The following MKLN1 variants were observed in gnomAD, a reference collection of about 807,000 sequenced individuals.
The protein encoded by MKLN1 is muskelin 1, also known as muskelin.
Under a neutral mutation model 99.0 loss-of-function variants are expected in MKLN1, and 18 were observed. The ratio of observed to expected loss-of-function variants is 0.18; its 90% CI spans 0.13 to 0.27. MKLN1 has a LOEUF of 0.27. Ranked by LOEUF, MKLN1 falls within the 10% of genes least tolerant of loss-of-function variation. MKLN1 has a pLI of 1.00. For missense variants in MKLN1, 621 were observed against 875.9 expected (o/e 0.71, Z 3.67); for synonymous variants, 288 against 293.2 (o/e 0.98, Z 0.18).
intron 3 of MKLN1, among the ~76,000 whole-genome samples, chr7:131,262,542 T>TTTTTC (rs941919014): frequency 5.3e-5 from 8 of 152,182 alleles, no homozygotes; most frequent in South Asian, 2.1e-4. Flanking sequence ...ATTATGTTTT[T>TTTTTC]TTTTCTTTTC....
At chr7:131,281,660 T>C (rs1209523573) in intron 3 of MKLN1, among the ~76,000 whole-genome samples, 1 of 152,162 alleles carries the variant, frequency 6.6e-6, no homozygotes, top group Non-Finnish European at 1.5e-5. Flanking sequence ...TTTTTGTTTA[T>C]TGATCTTGTA....
chr7:131,207,264 T>G (rs1796827522), intron 3 of MKLN1, among the ~76,000 whole-genome samples: 1 of 152,062 alleles, frequency 6.6e-6, no homozygotes, highest in African/African-American at 2.4e-5. Context: ...TGGAGTGCAG[T>G]GGTGTGATTT....
chr7:131,194,695 A>G (rs1166647418), intron 2 of MKLN1, among the ~76,000 whole-genome samples: 1 of 152,222 alleles, frequency 6.6e-6, no homozygotes, highest in Admixed American at 6.5e-5. Flanking sequence ...CAAGCTTAAC[A>G]ACTTCACAGA....
intron 3 of MKLN1, among the ~76,000 whole-genome samples, chr7:131,212,373 T>A (rs1039524296): frequency 1.3e-5 from 2 of 152,192 alleles, no homozygotes; most frequent in Admixed American, 6.5e-5. Flanking sequence ...CTACCAGGAA[T>A]CCCTGGGAGA....
chr7:131,245,596 C>T (rs1263761089), intron 3 of MKLN1, among the ~76,000 whole-genome samples: 1 of 152,140 alleles, frequency 6.6e-6, no homozygotes, highest in Non-Finnish European at 1.5e-5. Context: ...TGTCTTTTTA[C>T]TGTACCTTTT....
Position 131,241,391 on chromosome 7 carries a change from G to A in MKLN1, c.-179+38417G>A, listed in dbSNP as rs149503169. 8.9e-4 allele frequency among the ~76,000 whole-genome samples: 61 copies of A among 68,862 alleles called. No individual in the cohort carries two copies. In the Middle Eastern group the frequency reaches 0.018, roughly 20 times the overall value. 45.2% of individuals were successfully genotyped at this position (68,862 alleles called of 152,430 possible). Reference sequence around the variant, plus strand: ...AGACTCTGTCTAAAAAAAAAAAAAAGAAAAAAGAAAAAAAAAAAAAGAACA... The same window carrying A: ...AGACTCTGTCTAAAAAAAAAAAAAAAAAAAAAGAAAAAAAAAAAAAGAACA... On this transcript the variant is annotated intron_variant, in intron 3 of 7. Coordinates refer to the MKLN1 transcript ENST00000416992.
chr7:131,133,816 T>C (rs71548780), intron 1 of MKLN1, among the ~76,000 whole-genome samples: 1 of 16,962 alleles, frequency 5.9e-5, no homozygotes, highest in Non-Finnish European at 1.1e-4. Context: ...TTTTTTTTAA[T>C]TTGGTTTTTT....
chr7:131,436,205 T>C (rs1171735004), intron 9 of MKLN1, among the ~76,000 whole-genome samples: 1 of 152,182 alleles, frequency 6.6e-6, no homozygotes, highest in Non-Finnish European at 1.5e-5. Flanking sequence ...GTCAAAATAC[T>C]GTTCTTCCTG....
At chr7:131,148,848 C>G (rs1383616236) in intron 2 of MKLN1, among the ~76,000 whole-genome samples, 2 of 152,120 alleles carry the variant, frequency 1.3e-5, no homozygotes, top group African/African-American at 4.8e-5. Context: ...TGGTCTGGCT[C>G]TGTGGCGAAT....
At chr7:131,170,122 T>C (rs1276058843) in intron 2 of MKLN1, among the ~76,000 whole-genome samples, 1 of 152,148 alleles carries the variant, frequency 6.6e-6, no homozygotes, top group Non-Finnish European at 1.5e-5. Flanking sequence ...GAGCGAGCCA[T>C]TGTAGCTGCT....
chr7:131,284,277 A>G (rs1375304535), intron 3 of MKLN1, among the ~76,000 whole-genome samples: 1 of 152,252 alleles, frequency 6.6e-6, no homozygotes, highest in African/African-American at 2.4e-5. Context: ...CTTGTCCCAC[A>G]TTCTAACCAA....
chr7:131,483,966 G>A (rs1239382485), intron 17 of MKLN1, among the ~76,000 whole-genome samples: 1 of 152,162 alleles, frequency 6.6e-6, no homozygotes, highest in Non-Finnish European at 1.5e-5. Context: ...ATATACGCAT[G>A]CATACACTCA....
chr7:131,114,611 G>A (rs1795246712), intron 1 of MKLN1, among the ~76,000 whole-genome samples: 1 of 152,154 alleles, frequency 6.6e-6, no homozygotes, highest in Admixed American at 6.5e-5. Context: ...AGCCAGGGGA[G>A]GAAACATCAG....
chr7:131,276,612 T>C (rs1797979455), intron 3 of MKLN1, among the ~76,000 whole-genome samples: 1 of 152,168 alleles, frequency 6.6e-6, no homozygotes. Flanking sequence ...TTTCAGATAA[T>C]AGTGGCTGCA....
chr7:131,362,319 T>C (rs1362068566), intron 1 of MKLN1, among the ~76,000 whole-genome samples: 1 of 152,070 alleles, frequency 6.6e-6, no homozygotes, highest in Admixed American at 6.6e-5. Context: ...GCATCTTACA[T>C]GTGGTCTGTT....
intron 1 of MKLN1, among the ~76,000 whole-genome samples, chr7:131,113,094 A>C (rs1299522915): frequency 1.3e-5 from 2 of 152,202 alleles, no homozygotes; most frequent in East Asian, 3.8e-4. Flanking sequence ...ACAAAGATGA[A>C]TATACAGTTG....
Position 131,492,324 on chromosome 7 carries a change from A to AAATAGTTGAATATTAGAATAGTTG in MKLN1, c.*4614_*4615insTAGTTGAATAGTTGAATATTAGAA, listed in dbSNP as rs1797445509. On this transcript the variant is annotated 3_prime_UTR_variant, in exon 18 of 18. Coordinates refer to ENST00000352689, the MANE Select transcript of MKLN1 (RefSeq NM_013255.5). Reference sequence around the variant, plus strand: ...GTTAAGAATTGACTTTAAACTTCTGAAATAGTTGAATATTAGAAGTGGCTT... The same window carrying AAATAGTTGAATATTAGAATAGTTG: ...GTTAAGAATTGACTTTAAACTTCTGAAATAGTTGAATATTAGAATAGTTGAATAGTTGAATATTAGAAGTGGCTT... 1 of 152,316 alleles carries AAATAGTTGAATATTAGAATAGTTG rather than the reference A, an allele frequency of 6.6e-6. No individual in the cohort carries two copies. Among genetic ancestry groups the AAATAGTTGAATATTAGAATAGTTG allele is most frequent in the South Asian group, 2.1e-4 (1 of 4,824 alleles). 9.4% of individuals were successfully genotyped at this position (152,316 alleles called of 1,614,324 possible).
At chr7:131,255,085 G>A (rs1286240749) in intron 3 of MKLN1, among the ~76,000 whole-genome samples, 1 of 151,796 alleles carries the variant, frequency 6.6e-6, no homozygotes, top group East Asian at 1.9e-4. Flanking sequence ...GTAGAGACAG[G>A]GTCTATGTTT....
intron 4 of MKLN1, among the ~76,000 whole-genome samples, chr7:131,394,782 A>G (rs926494726): frequency 2.6e-5 from 4 of 152,044 alleles, no homozygotes; most frequent in African/African-American, 7.3e-5. Flanking sequence ...TACAAATGTT[A>G]GTTTCTTAAA....
Sources: allele counts gnomAD v4.1 joint callset (sites outside exome capture counted in the v4.1 genomes callset), GRCh38; gene constraint gnomAD v4.1.1; transcripts MANE v1.5; gene names NCBI Gene and HGNC (gene_info 2026-07-23, HGNC 2026-07-21).